PRIM2: variants seen among roughly 807,000 people sequenced by gnomAD.
The protein encoded by PRIM2 is DNA primase large subunit.
A neutral mutation model predicts 67.3 loss-of-function variants in PRIM2; 39 were observed. That is an observed-to-expected ratio of 0.58 (90% CI 0.45 to 0.76). The LOEUF (loss-of-function observed/expected upper bound fraction) is 0.76. Among genes scored for constraint, PRIM2 ranks in the 30% least tolerant of loss-of-function variants. The pLI, the probability that PRIM2 is intolerant of heterozygous loss-of-function variation, is 0.00. For synonymous variants in PRIM2, 143 were observed against 198.7 expected (o/e 0.72, Z 2.36); for missense variants, 398 against 598.7 (o/e 0.66, Z 3.50).
chr6:57,303,604 C>CAATT, the PRIM2 span, among the ~76,000 whole-genome samples: 16 of 152,184 alleles, frequency 1.1e-4, no homozygotes, highest in African/African-American at 1.9e-4. Context: ...ATGTCTTTTT[C>CAATT]AATTAATTAA....
At chr6:57,639,551 A>G (rs1233690678) in intron 13 of PRIM2, among the ~76,000 whole-genome samples, 121 of 149,834 alleles carry the variant, frequency 8.1e-4, no homozygotes, top group African/African-American at 2.8e-3. Context: ...TAGATGCAAT[A>G]AAAAATGATA....
At chr6:57,643,113 G>T (rs1376584213) in intron 13 of PRIM2, among the ~76,000 whole-genome samples, 1 of 152,044 alleles carries the variant, frequency 6.6e-6, no homozygotes, top group Non-Finnish European at 1.5e-5. Flanking sequence ...TTCATAGATG[G>T]AGAAAATCAG....
rs1280626366 is a variant in PRIM2 at position 57,379,902 on chromosome 6, T to A, written c.461T>A (p.Ile154Lys). 6.5e-7 allele frequency: 1 copy of A among 1,536,658 alleles called. No individual in the cohort carries two copies. Among genetic ancestry groups the A allele is most frequent in the African/African-American group, 1.4e-5 (1 of 72,020 alleles). The stretch of plus-strand genomic sequence containing the variant: ...ACAGCTTAAAATATGTTTTTTTAGA[T>A]AAGTGATGAAGAGAAGACTCTTCGA... ...LKDSQLQFEA[I>K]SDEEKTLREQ... The change falls in exon 6 of 14, where the codon ATA becomes AAA. Residue 154 changes from isoleucine to lysine, a missense_variant and splice_region_variant. Transcript: ENST00000615550.
At chr6:57,630,758 G>T (rs1777026006) in intron 12 of PRIM2, among the ~76,000 whole-genome samples, 1 of 151,994 alleles carries the variant, frequency 6.6e-6, no homozygotes, top group Non-Finnish European at 1.5e-5. Context: ...ATAGATGTTT[G>T]TCAGTAATTA....
In PRIM2 at chr6:57,559,215, A is replaced by C. The variant is rs1167899210; in HGVS notation, c.1020+21590A>C. 3.3e-4 allele frequency among the ~76,000 whole-genome samples: 50 copies of C among 152,100 alleles called. 1 individual carries two copies. The highest frequency in any genetic ancestry group is 1.1e-3 in the African/African-American group (47 of 41,502). On this transcript the variant is annotated intron_variant, in intron 10 of 13. Transcript: ENST00000615550. Reference sequence around the variant, plus strand: ...GCCTCTCAAACTTTTTATGTTTGTCATACATTTTTTGAATATTTGAATTTT... The same window carrying C: ...GCCTCTCAAACTTTTTATGTTTGTCCTACATTTTTTGAATATTTGAATTTT...
intron 12 of PRIM2, among the ~76,000 whole-genome samples, chr6:57,608,980 T>TAATTATTTG (rs1776617028): frequency 6.6e-6 from 1 of 152,364 alleles, no homozygotes; most frequent in African/African-American, 2.4e-5. Context: ...CACTTGATTG[T>TAATTATTTG]AATTATTTGT....
At chr6:57,323,509 A>T (rs1386019874) in intron 3 of PRIM2, among the ~76,000 whole-genome samples, 1 of 152,122 alleles carries the variant, frequency 6.6e-6, no homozygotes, top group African/African-American at 2.4e-5. Flanking sequence ...TCTCGGTTTC[A>T]TCTGATTGAT....
intron 5 of PRIM2, among the ~76,000 whole-genome samples, chr6:57,337,036 CA>C (rs1228309350): frequency 6.6e-6 from 1 of 151,602 alleles, no homozygotes; most frequent in Non-Finnish European, 1.5e-5. Context: ...AAATGGAAAA[CA>C]AAAAAAGGCA....
rs2127462743 is a variant in PRIM2 at position 57,517,140 on chromosome 6, A to G, written c.761+9686A>G. ...TGGAAAGTAAAATTTATGATTTCTT[A>G]TGCTTTTTTAATACTTTTAATATCT... On this transcript the variant is annotated intron_variant, in intron 8 of 13. Coordinates refer to ENST00000615550, the MANE Select transcript of PRIM2 (RefSeq NM_000947.5). Among the ~76,000 whole-genome samples the G allele has an allele frequency of 2.0e-5, 3 of 152,272 alleles. No homozygotes were observed. In the South Asian group the frequency reaches 6.2e-4, roughly 32 times the overall value.
At chr6:57,239,826 T>C in the PRIM2 span, among the ~76,000 whole-genome samples, 1 of 152,178 alleles carries the variant, frequency 6.6e-6, no homozygotes, top group Non-Finnish European at 1.5e-5. Context: ...AGTGCCATGA[T>C]TATATTTATA....
intron 13 of PRIM2, among the ~76,000 whole-genome samples, chr6:57,642,172 T>C (rs1159403816): frequency 3.3e-5 from 5 of 151,330 alleles, no homozygotes; most frequent in Admixed American, 6.6e-5. Flanking sequence ...TAAGTGGGAG[T>C]TGAACAATGA....
At chr6:57,323,896 A>G (rs1755832) in intron 3 of PRIM2, among the ~76,000 whole-genome samples, 26,918 of 151,974 alleles carry the variant, frequency 0.18, 2,547 homozygotes, top group Non-Finnish European at 0.19. Context: ...TAACCAGCCT[A>G]GGCAACATAT....
chr6:57,320,058 A>T (rs1767599412), intron 2 of PRIM2, among the ~76,000 whole-genome samples: 1 of 152,168 alleles, frequency 6.6e-6, no homozygotes, highest in African/African-American at 2.4e-5. Context: ...AAAGGAAGGG[A>T]TGCTTTTTTT....
At position 57,429,390 on chromosome 6, in the gene PRIM2, T is replaced by C. The variant is rs13217311; in HGVS notation, c.693+47222T>C. ...GTAAATTATTGAGAATGGGGGATTT[T>C]CAGTAAACGGACTTATTAGCAGGAT... On this transcript the variant is annotated intron_variant, in intron 7 of 13. Coordinates refer to ENST00000615550, the MANE Select transcript of PRIM2 (RefSeq NM_000947.5). 2.2e-4 allele frequency among the ~76,000 whole-genome samples: 33 copies of C among 152,274 alleles called. 1 individual carries two copies. The highest frequency in any genetic ancestry group is 7.5e-4 in the African/African-American group (31 of 41,568).
intron 7 of PRIM2, among the ~76,000 whole-genome samples, chr6:57,399,575 C>T (rs971310670): frequency 6.6e-6 from 1 of 152,190 alleles, no homozygotes; most frequent in African/African-American, 2.4e-5. Context: ...ATTGCTGGGT[C>T]AAATGGTATT....
At chr6:57,626,070 A>T (rs1776945132) in intron 12 of PRIM2, among the ~76,000 whole-genome samples, 1 of 152,244 alleles carries the variant, frequency 6.6e-6, no homozygotes, top group African/African-American at 2.4e-5. Context: ...CTTTTAAATA[A>T]GACAAAACAT....
At chr6:57,282,254 A>G in the PRIM2 span, among the ~76,000 whole-genome samples, 9 of 152,204 alleles carry the variant, frequency 5.9e-5, no homozygotes, top group Non-Finnish European at 1.3e-4. Flanking sequence ...TGTATTTCAC[A>G]GTACTGATCA....
At chr6:57,223,699 C>T in the PRIM2 span, among the ~76,000 whole-genome samples, 2 of 151,864 alleles carry the variant, frequency 1.3e-5, no homozygotes, top group East Asian at 3.9e-4. Context: ...TACAAATGGC[C>T]GATGAGCACA....
the PRIM2 span, among the ~76,000 whole-genome samples, chr6:57,233,027 T>C: frequency 6.6e-6 from 1 of 152,262 alleles, no homozygotes; most frequent in East Asian, 1.9e-4. Context: ...ATATATTTTC[T>C]AATTCTTCTT....
Sources: gnomAD v4.1 joint callset for allele counts (sites outside exome capture counted in the v4.1 genomes callset) on GRCh38, gnomAD v4.1.1 for gene constraint, MANE v1.5 for transcripts, NCBI Gene and HGNC (gene_info 2026-07-23, HGNC 2026-07-21) for gene names.